Variants in PHF3 observed in about 807,000 individuals in gnomAD.
PHF3 encodes the protein PHD finger protein 3.
A neutral mutation model predicts 178.4 loss-of-function variants in PHF3; 41 were observed. The observed-to-expected ratio is 0.23, with a 90% confidence interval of 0.18 to 0.30. The LOEUF is 0.30. Among genes scored for constraint, PHF3 ranks in the 10% least tolerant of loss-of-function variants. PHF3 has a pLI of 1.00. For missense variants in PHF3, 2,346 were observed against 2,398.1 expected (o/e 0.98, Z 0.45); for synonymous variants, 842 against 800.5 (o/e 1.05, Z -0.88).
chr6:63,693,572 C>T (rs1039608548), intron 5 of PHF3, among the ~76,000 whole-genome samples: 2 of 152,200 alleles, frequency 1.3e-5, no homozygotes, highest in African/African-American at 2.4e-5. Flanking sequence ...GATTGTGCCA[C>T]TTTATTCCAG....
chr6:63,680,510 C>T (rs974993665), intron 3 of PHF3, among the ~76,000 whole-genome samples: 1 of 151,106 alleles, frequency 6.6e-6, no homozygotes, highest in African/African-American at 2.4e-5. Context: ...ATTGACTTCC[C>T]ACTGTGGATG....
At position 63,688,185 on chromosome 6, in the gene PHF3, CA is replaced by C. The variant is rs1212338768; in HGVS notation, c.2189+2289del. Among the ~76,000 whole-genome samples, 322 of 62,158 alleles carry C rather than the reference CA, an allele frequency of 5.2e-3. 7 individuals carry two copies. The highest frequency in any genetic ancestry group is 0.021 in the African/African-American group (295 of 13,958). The allele number at this position is 62,158 out of a possible 152,430, so 40.8% of individuals were successfully genotyped here. ...TGGGTGACAGAGCAAGACTCCGTCT[CA>C]AAAAAAAAAAAAAAGCCTATGTAAT... On this transcript the variant is annotated intron_variant, in intron 4 of 15. Coordinates refer to ENST00000262043, the MANE Select transcript of PHF3 (RefSeq NM_001370348.2).
chr6:63,704,144 C>T (rs763974141), intron 11 of PHF3, among the ~76,000 whole-genome samples: 10 of 152,152 alleles, frequency 6.6e-5, no homozygotes, highest in Non-Finnish European at 1.5e-4. Flanking sequence ...AGAGATTTCT[C>T]ACATACCTGC....
rs1461214602 is a variant in PHF3 at position 63,715,033 on chromosome 6, TTTAC to T, written c.*1330_*1333del. 1 of 152,104 alleles carries T rather than the reference TTTAC, an allele frequency of 6.6e-6. No homozygotes were observed. The highest frequency in any genetic ancestry group is 1.5e-5 in the Non-Finnish European group (1 of 68,000). 9.4% of individuals were successfully genotyped at this position (152,104 alleles called of 1,614,324 possible). On this transcript the variant is annotated 3_prime_UTR_variant, in exon 16 of 16. Transcript: ENST00000262043. ...ATACAAAAGAAAGAGAACTCTATTATTTACTTACCTGTATTAATGAAGAAAAATA... is the reference window on the plus strand; with the variant it reads ...ATACAAAAGAAAGAGAACTCTATTATTTACCTGTATTAATGAAGAAAAATA...
chr6:63,695,088 G>T (rs1767177918), intron 6 of PHF3, among the ~76,000 whole-genome samples: 1 of 152,168 alleles, frequency 6.6e-6, no homozygotes, highest in Non-Finnish European at 1.5e-5. Flanking sequence ...TAATGGGATG[G>T]ATAGTCACAG....
rs1328761310 is a variant in PHF3 at position 63,716,230 on chromosome 6, T to A, written c.*2522T>A. Among the ~76,000 whole-genome samples the A allele has an allele frequency of 6.6e-6, 1 of 152,176 alleles. No individual in the cohort carries two copies. The highest frequency in any genetic ancestry group is 1.5e-5 in the Non-Finnish European group (1 of 68,008). Reference sequence around the variant, plus strand: ...ACTTGGCCAGGTTACCCTGCTGTTGTCAGAGCAGGAATCCTACCTAGCTCA... The same window carrying A: ...ACTTGGCCAGGTTACCCTGCTGTTGACAGAGCAGGAATCCTACCTAGCTCA... On this transcript the variant is annotated 3_prime_UTR_variant, in exon 16 of 16. Transcript: ENST00000262043.
intron 6 of PHF3, among the ~76,000 whole-genome samples, chr6:63,697,110 G>A (rs1767262757): frequency 6.6e-6 from 1 of 152,116 alleles, no homozygotes. Flanking sequence ...AAGTGATAGT[G>A]TAGGTGTGAA....
At chr6:63,649,309 A>G (rs545985652) in intron 2 of PHF3, among the ~76,000 whole-genome samples, 1 of 152,276 alleles carries the variant, frequency 6.6e-6, no homozygotes. Flanking sequence ...CTATTTATAA[A>G]TAACTTCAGC....
At chr6:63,646,316 A>G (rs1202505105) in intron 1 of PHF3, among the ~76,000 whole-genome samples, 2 of 152,120 alleles carry the variant, frequency 1.3e-5, no homozygotes, top group East Asian at 1.9e-4. Flanking sequence ...ATGATATACT[A>G]CATGCATGAT....
intron 2 of PHF3, among the ~76,000 whole-genome samples, chr6:63,658,708 TTGTGTGTGTGTG>T (rs3071174): frequency 0.051 from 7,408 of 145,268 alleles, 224 homozygotes; most frequent in East Asian, 0.12. Flanking sequence ...CCAATAGATT[TTGTGTGTGTGTG>T]TGTGTGTGTG....
chr6:63,710,926 T>C (rs1767898220), intron 14 of PHF3, among the ~76,000 whole-genome samples: 1 of 152,206 alleles, frequency 6.6e-6, no homozygotes. Context: ...TTGGACTCCA[T>C]TTCTTATGTT....
chr6:63,683,540 C>T (rs1045173965), intron 3 of PHF3, among the ~76,000 whole-genome samples: 1 of 151,834 alleles, frequency 6.6e-6, no homozygotes, highest in African/African-American at 2.4e-5. Context: ...GTATGTGGTA[C>T]TCTGTGTTGA....
intron 2 of PHF3, among the ~76,000 whole-genome samples, chr6:63,658,957 G>C (rs1040155575): frequency 2.0e-5 from 3 of 152,152 alleles, no homozygotes; most frequent in South Asian, 2.1e-4. Context: ...CTCCATTTTT[G>C]TCTCTGAAGA....
In PHF3 at chr6:63,720,379, A is replaced by T; in HGVS notation, c.*6671A>T. On this transcript the variant is annotated 3_prime_UTR_variant, in exon 16 of 16. Coordinates refer to ENST00000262043, the MANE Select transcript of PHF3 (RefSeq NM_001370348.2). ...AATAAGCACTGAACTAATGGAGTTA[A>T]AACATGAATCAAAATATATACAGAT... The T allele has an allele frequency of 2.1e-6, 1 of 477,456 alleles. No homozygotes were observed. Among genetic ancestry groups the T allele is most frequent in the Non-Finnish European group, 3.6e-6 (1 of 274,276 alleles). The allele number at this position is 477,456 out of a possible 1,614,324, so 29.6% of individuals were successfully genotyped here.
rs921593933 is a variant in PHF3 at position 63,714,607 on chromosome 6, A to T, written c.*899A>T. 5 of 152,526 alleles carry T rather than the reference A, an allele frequency of 3.3e-5. No individual in the cohort carries two copies. The highest frequency in any genetic ancestry group is 4.8e-5 in the African/African-American group (2 of 41,554). 9.4% of individuals were successfully genotyped at this position (152,526 alleles called of 1,614,324 possible). A position where few individuals can be genotyped will look rare whatever the true frequency, so the allele number is the denominator to read the frequency against. ...AGATGAGGGGAAAAACAATTTTTTT[A>T]AAATCTTAAATTGTAGGCTGAGATG... On this transcript the variant is annotated 3_prime_UTR_variant, in exon 16 of 16. Coordinates refer to ENST00000262043, the MANE Select transcript of PHF3 (RefSeq NM_001370348.2).
Position 63,685,535 on chromosome 6 carries a change from G to A in PHF3, c.1813G>A (p.Gly605Ser). The part of the protein sequence containing the change: ...SLSDKSHAHP[G>S]CLKEPHHPAQ... ...GAGTGATAAGTCACACGCTCATCCT[G>A]GTTGCTTGAAAGAACCTCATCATCC... Residue 605 changes from glycine to serine, a missense_variant, in exon 4 of 16, where the codon GGT (glycine) becomes AGT (serine). Physicochemically the swap from Gly to Ser is moderately conservative, Grantham distance 56. Around this residue, in one of 8 missense-constraint regions of PHF3, gnomAD observed 843 missense variants for 795.2 expected, o/e 1.06. Transcript: ENST00000262043. The A allele has an allele frequency of 6.2e-7, 1 of 1,614,042 alleles. No homozygotes were observed. The highest frequency in any genetic ancestry group is 8.5e-7 in the Non-Finnish European group (1 of 1,180,006).
At chr6:63,643,958 C>G (rs992874635) in intron 1 of PHF3, among the ~76,000 whole-genome samples, 2 of 152,140 alleles carry the variant, frequency 1.3e-5, no homozygotes, top group Admixed American at 1.3e-4. Context: ...GCCTGGTCTT[C>G]AGTATAGCTA....
chr6:63,653,738 C>CT (rs1207500216), intron 2 of PHF3, among the ~76,000 whole-genome samples: 1 of 152,140 alleles, frequency 6.6e-6, no homozygotes, highest in Non-Finnish European at 1.5e-5. Context: ...AAACTTTCAA[C>CT]TTTCCCCCAT....
Position 63,725,023 on chromosome 6 carries a change from C to T in PHF3, c.*11315C>T, listed in dbSNP as rs1421665273. 1.3e-5 allele frequency among the ~76,000 whole-genome samples: 2 copies of T among 152,100 alleles called. No individual in the cohort carries two copies. Among genetic ancestry groups the T allele is most frequent in the Admixed American group, 6.5e-5 (1 of 15,276 alleles). ...GAGACTTCAAATAAACTTGTTATAT[C>T]ACTTGATTACTAAAAAATAAGTTTA... On this transcript the variant is annotated 3_prime_UTR_variant, in exon 16 of 16. Transcript: ENST00000262043.
Sources: allele counts gnomAD v4.1 joint callset (sites outside exome capture counted in the v4.1 genomes callset), GRCh38; gene constraint gnomAD v4.1.1; regional missense constraint gnomAD v4.1.1; transcripts MANE v1.5; gene names NCBI Gene and HGNC (gene_info 2026-07-23, HGNC 2026-07-21).